The following GOPC variants were observed in gnomAD, a reference collection of about 807,000 sequenced individuals.
GOPC encodes Golgi-associated PDZ and coiled-coil motif-containing protein.
In GOPC, 32 loss-of-function variants were observed where a neutral mutation model predicts 51.2. The observed-to-expected ratio is 0.63, with a 90% CI of 0.47 to 0.84. The LOEUF (loss-of-function observed/expected upper bound fraction) is 0.84. Ranked by LOEUF, GOPC falls within the 40% of genes least tolerant of loss-of-function variation. The probability of loss-of-function intolerance (pLI) is 0.00; values close to 1 mark genes in which losing one functional copy is unlikely to be tolerated. For missense variants in GOPC, 441 were observed against 555.5 expected (o/e 0.79, Z 2.07); for synonymous variants, 190 against 205.1 (o/e 0.93, Z 0.63).
At chr6:117,594,443 A>G (rs540486586) in intron 1 of GOPC, among the ~76,000 whole-genome samples, 18 of 152,296 alleles carry the variant, frequency 1.2e-4, no homozygotes, top group African/African-American at 3.4e-4. Context: ...AGTATTCATC[A>G]AAGTTGCAAT....
At chr6:117,587,213 G>A (rs908491615) in intron 1 of GOPC, among the ~76,000 whole-genome samples, 2 of 151,998 alleles carry the variant, frequency 1.3e-5, no homozygotes, top group Non-Finnish European at 2.9e-5. Context: ...TGACCACTAA[G>A]TTCATCTGCC....
intron 8 of GOPC, 77 bp from the exon 9 acceptor site, chr6:117,563,461 C>T: frequency 5.0e-6 from 7 of 1,408,146 alleles, no homozygotes; most frequent in Non-Finnish European, 6.9e-6. Context: ...GTGGCTCATA[C>T]CTGTAATCCC....
At chr6:117,572,313 C>T (rs1779818324) in intron 5 of GOPC, among the ~76,000 whole-genome samples, 1 of 152,084 alleles carries the variant, frequency 6.6e-6, no homozygotes. Flanking sequence ...CCAATCAAGC[C>T]CTCCTGATTA....
rs892598691 is a variant in GOPC at position 117,567,029 on chromosome 6, T to C, written c.1083A>G (p.Gly361=). ...EAVTILSQQR[G]EIEFEVVYVA... ...CATAAACTACTTCAAATTCAATCTC[T>C]CCTCTCTAAAACAGGAAATGAAAAT... Residue 361 remains glycine, a synonymous_variant, in exon 8 of 9, where the codon GGA becomes GGG. Transcript: ENST00000368498. The C allele has an allele frequency of 6.3e-7, 1 of 1,575,364 alleles. No individual in the cohort carries two copies. Among genetic ancestry groups the C allele is most frequent in the South Asian group, 1.2e-5 (1 of 84,144 alleles).
chr6:117,595,106 A>C, intron 1 of GOPC, among the ~76,000 whole-genome samples: 1 of 152,198 alleles, frequency 6.6e-6, no homozygotes, highest in East Asian at 1.9e-4. Context: ...AAAGGGAAAA[A>C]GGAACAAGGC....
At chr6:117,592,897 T>C (rs1472909990) in intron 1 of GOPC, among the ~76,000 whole-genome samples, 2 of 152,188 alleles carry the variant, frequency 1.3e-5, no homozygotes, top group Non-Finnish European at 2.9e-5. Flanking sequence ...TTCCTTAGTC[T>C]TCAATTTATC....
At chr6:117,577,867 T>G (rs951398461) in intron 2 of GOPC, among the ~76,000 whole-genome samples, 4 of 152,122 alleles carry the variant, frequency 2.6e-5, no homozygotes, top group African/African-American at 9.6e-5. Context: ...GTTAGAAAAC[T>G]TAAGAGTTTA....
At chr6:117,593,678 T>C (rs1780152172) in intron 1 of GOPC, among the ~76,000 whole-genome samples, 1 of 152,198 alleles carries the variant, frequency 6.6e-6, no homozygotes, top group Non-Finnish European at 1.5e-5. Context: ...GAGAATTGGA[T>C]GAATCAGTCT....
chr6:117,598,786 G>C (rs1047683101), intron 1 of GOPC, among the ~76,000 whole-genome samples: 1 of 152,038 alleles, frequency 6.6e-6, no homozygotes, highest in Non-Finnish European at 1.5e-5. Context: ...TCCACAGCCC[G>C]GGGTAACAAA....
intron 6 of GOPC, chr6:117,569,971 G>C (rs1159234190): frequency 1.9e-5 from 6 of 321,724 alleles, no homozygotes; most frequent in Non-Finnish European, 3.3e-5. Flanking sequence ...GTACTCCATA[G>C]CACCATTACA....
Position 117,591,767 on chromosome 6 carries a change from C to T in GOPC, c.285+10237G>A, listed in dbSNP as rs137867070. Among the ~76,000 whole-genome samples the T allele has an allele frequency of 1.3e-3, 199 of 152,240 alleles. 2 individuals carry two copies. The highest frequency in any genetic ancestry group is 2.2e-3 in the Non-Finnish European group (151 of 68,026). On this transcript the variant is annotated intron_variant, in intron 1 of 8. Coordinates refer to ENST00000368498, the MANE Select transcript of GOPC (RefSeq NM_020399.4). ...AGATAAGGAGAGACAGACAGGCACA[C>T]TGATCACCGGGCCAAAGAATTTGAA...
At chr6:117,592,462 CA>C (rs2114626748) in intron 1 of GOPC, among the ~76,000 whole-genome samples, 1 of 152,286 alleles carries the variant, frequency 6.6e-6, no homozygotes, top group Admixed American at 6.5e-5. Flanking sequence ...TAAGGTATGA[CA>C]GGGCTGGCTC....
chr6:117,580,623 G>A (rs768262697), intron 1 of GOPC, among the ~76,000 whole-genome samples: 85 of 152,094 alleles, frequency 5.6e-4, no homozygotes, highest in Non-Finnish European at 9.6e-4. Context: ...CACCTTTATT[G>A]AGATATAATT....
intron 1 of GOPC, among the ~76,000 whole-genome samples, chr6:117,600,109 G>A (rs543631673): frequency 3.9e-5 from 6 of 152,328 alleles, no homozygotes; most frequent in African/African-American, 1.2e-4. Context: ...TATGGAGACA[G>A]AGAAGTCCAA....
intron 1 of GOPC, 137 bp from the exon 2 acceptor site, chr6:117,579,201 T>C: frequency 1.5e-6 from 1 of 665,338 alleles, no homozygotes; most frequent in Non-Finnish European, 2.4e-6. Context: ...TTATCCAAGA[T>C]ACAAGACATC....
intron 5 of GOPC, among the ~76,000 whole-genome samples, chr6:117,572,751 G>T: frequency 1.3e-5 from 2 of 152,228 alleles, no homozygotes; most frequent in South Asian, 4.1e-4. Flanking sequence ...AGTGCTTATC[G>T]CTATCCCCAC....
At chr6:117,579,344 T>A (rs570937166) in intron 1 of GOPC, among the ~76,000 whole-genome samples, 6 of 152,214 alleles carry the variant, frequency 3.9e-5, no homozygotes, top group African/African-American at 1.4e-4. Context: ...GAAACCTTTT[T>A]ACTGTTTCAC....
At chr6:117,582,187 T>C (rs1779967835) in intron 1 of GOPC, among the ~76,000 whole-genome samples, 1 of 151,856 alleles carries the variant, frequency 6.6e-6, no homozygotes, top group Non-Finnish European at 1.5e-5. Flanking sequence ...CCTATTTTTC[T>C]AGAGAGTTGT....
chr6:117,563,335 G>A lies in GOPC; in HGVS notation c.1308C>T (p.Gly436=). 2 of 1,612,832 alleles carry A rather than the reference G, an allele frequency of 1.2e-6. No homozygotes were observed. Among genetic ancestry groups the A allele is most frequent in the Non-Finnish European group, 1.7e-6 (2 of 1,178,986 alleles). ...VTDTHENGDL[G]TASETPLDDG... is the part of the protein sequence containing the mutation. ...CATCTAGCGGAGTTTCACTTGCAGTGCCCAGGTCTCCATTTTCATGTGTGT... is the reference window on the plus strand; with the variant it reads ...CATCTAGCGGAGTTTCACTTGCAGTACCCAGGTCTCCATTTTCATGTGTGT... Residue 436 remains glycine, a synonymous_variant, in exon 9 of 9, where the codon GGC becomes GGT. Transcript: ENST00000368498.
Sources: gnomAD v4.1 joint callset for allele counts (sites outside exome capture counted in the v4.1 genomes callset) on GRCh38, gnomAD v4.1.1 for gene constraint, MANE v1.5 for transcripts, NCBI Gene and HGNC (gene_info 2026-07-23, HGNC 2026-07-21) for gene names.